The following SPTBN1 variants were observed in gnomAD, a reference collection of about 807,000 sequenced individuals.
The protein encoded by SPTBN1 is spectrin beta, non-erythrocytic 1.
A neutral mutation model predicts 266.4 loss-of-function variants in SPTBN1; 32 were observed. The observed-to-expected ratio is 0.12, with a 90% confidence interval of 0.09 to 0.16. The LOEUF is 0.16. Among genes scored for constraint, SPTBN1 ranks in the 10% least tolerant of loss-of-function variants. SPTBN1 has a pLI of 1.00. For synonymous variants in SPTBN1, 1,336 were observed against 1,162.2 expected, an observed-to-expected ratio of 1.15 and a Z score of -3.04; for missense variants, 2,296 against 3,067.1, an observed-to-expected ratio of 0.75 and a Z score of 5.94.
At chr2:54,524,342 G>A (rs1670669449) in intron 1 of SPTBN1, among the ~76,000 whole-genome samples, 1 of 152,134 alleles carries the variant, frequency 6.6e-6, no homozygotes, top group African/African-American at 2.4e-5. Flanking sequence ...GACTGAGCCT[G>A]TTTCCCCCCA....
intron 1 of SPTBN1, among the ~76,000 whole-genome samples, chr2:54,516,855 C>T (rs1289046814): frequency 6.6e-6 from 1 of 152,210 alleles, no homozygotes; most frequent in African/African-American, 2.4e-5. Context: ...AGACACAGTA[C>T]ATCAATCAGT....
chr2:54,507,447 G>C (rs1669634418), intron 1 of SPTBN1, among the ~76,000 whole-genome samples: 1 of 152,204 alleles, frequency 6.6e-6, no homozygotes, highest in Non-Finnish European at 1.5e-5. Context: ...TAGTGTGGGA[G>C]AGATGAAGCT....
At chr2:54,529,280 G>A (rs1671044803) in intron 2 of SPTBN1, 1 of 457,754 alleles carries the variant, frequency 2.2e-6, no homozygotes, top group Non-Finnish European at 4.1e-6. Flanking sequence ...CTAAAGTCTA[G>A]GAAGAAATAA....
Position 54,669,214 on chromosome 2 carries a change from A to G in SPTBN1, c.*645A>G, listed in dbSNP as rs532928843. ...ATACAAGAAGGAATAGAAAACTGAT[A>G]CTGTTTTAAATAATCTGTAATTTCA... On this transcript the variant is annotated 3_prime_UTR_variant, in exon 36 of 36. Transcript: ENST00000356805. The G allele has an allele frequency of 6.8e-6, 1 of 147,428 alleles. No individual in the cohort carries two copies. The highest frequency in any genetic ancestry group is 2.2e-4 in the South Asian group (1 of 4,578). 9.1% of individuals were successfully genotyped at this position (147,428 alleles called of 1,614,324 possible).
intron 26 of SPTBN1, chr2:54,652,482 C>G (rs1039435968): frequency 6.6e-6 from 1 of 152,162 alleles, no homozygotes; most frequent in African/African-American, 2.4e-5. Flanking sequence ...TTTAACCAGT[C>G]CTTCACTGAT....
At position 54,599,080 on chromosome 2, in the gene SPTBN1, C is replaced by T; in HGVS notation, c.149-12C>T. 1 of 1,613,478 alleles carries T rather than the reference C, an allele frequency of 6.2e-7. No homozygotes were observed. The highest frequency in any genetic ancestry group is 8.5e-7 in the Non-Finnish European group (1 of 1,179,648). On this transcript the variant is annotated splice_polypyrimidine_tract_variant and intron_variant, in intron 2 of 35. Coordinates refer to ENST00000356805, the MANE Select transcript of SPTBN1 (RefSeq NM_003128.3). ...GTGGTCAATGGTAAAACAAGTTCTT[C>T]TCTGCTTGCAGATGAGCGTGAAGCC...
rs781218974 is a variant in SPTBN1, at chr2:54,526,370, A to G, written c.-47-2A>G. On this transcript the variant is annotated splice_acceptor_variant, in intron 1 of 35. Transcript: ENST00000356805. LOFTEE classifies it low-confidence loss of function (5UTR_SPLICE). ...AAATGTTTTTCCTTTTCTTTCTCAT[A>G]GAACTCTAAGAAGGAGCTGATGTGG... The G allele has an allele frequency of 6.2e-7, 1 of 1,602,468 alleles. No individual in the cohort carries two copies. The highest frequency in any genetic ancestry group is 8.5e-7 in the Non-Finnish European group (1 of 1,173,826).
At chr2:54,571,971 CT>C (rs1161426988) in intron 2 of SPTBN1, among the ~76,000 whole-genome samples, 4 of 152,122 alleles carry the variant, frequency 2.6e-5, no homozygotes, top group Non-Finnish European at 5.9e-5. Context: ...GGCCTATCTA[CT>C]TTTTTTGATA....
intron 1 of SPTBN1, among the ~76,000 whole-genome samples, chr2:54,502,062 G>C (rs776070780): frequency 5.9e-5 from 9 of 152,174 alleles, no homozygotes; most frequent in Admixed American, 4.6e-4. Context: ...TAAACTCTGA[G>C]AGAGAGAGTA....
At chr2:54,559,718 C>T (rs1187006759) in intron 2 of SPTBN1, among the ~76,000 whole-genome samples, 2 of 152,180 alleles carry the variant, frequency 1.3e-5, no homozygotes, top group African/African-American at 4.8e-5. Context: ...TAACTGAAAA[C>T]AGAACTCCTT....
chr2:54,643,744 G>T (rs1034728170), intron 19 of SPTBN1, among the ~76,000 whole-genome samples: 1 of 152,146 alleles, frequency 6.6e-6, no homozygotes, highest in African/African-American at 2.4e-5. Context: ...AGCACTTTGG[G>T]AGGCCAAGGC....
chr2:54,481,438 G>GTTT (rs1403748659), intron 1 of SPTBN1, among the ~76,000 whole-genome samples: 3 of 76,946 alleles, frequency 3.9e-5, no homozygotes, highest in East Asian at 2.6e-4. Flanking sequence ...GTGTGTGTGT[G>GTTT]TGTTTTGTTT....
chr2:54,460,319 A>T (rs1573192945), intron 1 of SPTBN1, among the ~76,000 whole-genome samples: 1 of 152,208 alleles, frequency 6.6e-6, no homozygotes, highest in African/African-American at 2.4e-5. Context: ...GGTGGTGACA[A>T]AAGTGAGGCT....
At chr2:54,613,156 G>A (rs144600652) in intron 4 of SPTBN1, among the ~76,000 whole-genome samples, 77 of 152,234 alleles carry the variant, frequency 5.1e-4, no homozygotes, top group Admixed American at 1.2e-3. Context: ...CTCATGCTTC[G>A]TACTCATGCG....
chr2:54,568,171 G>A (rs1384730799), intron 2 of SPTBN1, among the ~76,000 whole-genome samples: 6 of 151,802 alleles, frequency 4.0e-5, no homozygotes, highest in South Asian at 2.1e-4. Flanking sequence ...ACCAGAGGTC[G>A]GGAGTTCGAG....
At chr2:54,630,768 A>G (rs1678678558) in intron 15 of SPTBN1, 87 bp from the exon 16 acceptor site, 20 of 1,418,000 alleles carry the variant, frequency 1.4e-5, no homozygotes, top group Non-Finnish European at 1.9e-5. Context: ...ACAGATAAGC[A>G]GCATTAACCC....
At chr2:54,599,358 GA>G in intron 3 of SPTBN1, 115 bp downstream of exon 3, 1 of 1,284,232 alleles carries the variant, frequency 7.8e-7, no homozygotes, top group Admixed American at 2.0e-5. Flanking sequence ...GTTTTGAGGA[GA>G]ATCTTGAGAA....
At chr2:54,547,242 T>A (rs1165664197) in intron 2 of SPTBN1, among the ~76,000 whole-genome samples, 1 of 152,340 alleles carries the variant, frequency 6.6e-6, no homozygotes, top group African/African-American at 2.4e-5. Flanking sequence ...TCTAACTGGC[T>A]TATTTCATTT....
At chr2:54,622,542 C>A in intron 9 of SPTBN1, 55 bp downstream of exon 9, 1 of 1,570,928 alleles carries the variant, frequency 6.4e-7, no homozygotes, top group Non-Finnish European at 8.7e-7. Context: ...TCACTGTAGC[C>A]AACAGATCCC....
Sources: allele counts gnomAD v4.1 joint callset (sites outside exome capture counted in the v4.1 genomes callset), GRCh38; gene constraint gnomAD v4.1.1; transcripts MANE v1.5; gene names NCBI Gene and HGNC (gene_info 2026-07-23, HGNC 2026-07-21).